Variants in LTBP1 observed in about 807,000 individuals in gnomAD.
LTBP1 encodes latent-transforming growth factor beta-binding protein 1.
Under a neutral mutation model 207.6 loss-of-function variants are expected in LTBP1, and 129 were observed. The observed-to-expected ratio is 0.62, with a 90% CI of 0.54 to 0.72. The LOEUF (loss-of-function observed/expected upper bound fraction) is 0.72, where lower values mean the gene tolerates loss of function less well. Ranked by LOEUF, LTBP1 falls within the 30% of genes least tolerant of loss-of-function variation. The pLI is 0.00. For missense variants in LTBP1, 2,281 were observed against 2,217.2 expected (o/e 1.03, Z -0.58); for synonymous variants, 963 against 833.7 (o/e 1.16, Z -2.67).
intron 4 of LTBP1, among the ~76,000 whole-genome samples, chr2:33,120,958 G>T (rs939894334): frequency 2.0e-5 from 3 of 152,092 alleles, no homozygotes; most frequent in Admixed American, 2.0e-4. Context: ...TTAATATTTA[G>T]CATGGTATGC....
intron 32 of LTBP1, among the ~76,000 whole-genome samples, chr2:33,393,855 A>G (rs894656098): frequency 6.6e-5 from 10 of 152,210 alleles, no homozygotes; most frequent in Admixed American, 1.3e-4. Context: ...TAGATCCTTG[A>G]GGAATCGCCA....
At chr2:33,315,515 T>C (rs1186968360) in intron 24 of LTBP1, among the ~76,000 whole-genome samples, 3 of 152,194 alleles carry the variant, frequency 2.0e-5, no homozygotes, top group Admixed American at 2.0e-4. Flanking sequence ...ACTGAATTAA[T>C]GAGTGGAAAT....
At chr2:33,094,639 T>C (rs1228372450) in intron 3 of LTBP1, among the ~76,000 whole-genome samples, 1 of 152,214 alleles carries the variant, frequency 6.6e-6, no homozygotes, top group Admixed American at 6.5e-5. Context: ...TCATTTACTG[T>C]AATTGGCTTG....
At chr2:33,249,986 C>T (rs538259423) in intron 10 of LTBP1, among the ~76,000 whole-genome samples, 3 of 152,244 alleles carry the variant, frequency 2.0e-5, no homozygotes, top group South Asian at 2.1e-4. Flanking sequence ...AAATAATAAA[C>T]GTAGTACACT....
At chr2:33,227,999 G>A (rs1244290703) in intron 9 of LTBP1, among the ~76,000 whole-genome samples, 1 of 151,750 alleles carries the variant, frequency 6.6e-6, no homozygotes, top group Non-Finnish European at 1.5e-5. Flanking sequence ...TAGAGACGGG[G>A]TTTCACTGTG....
intron 32 of LTBP1, among the ~76,000 whole-genome samples, chr2:33,392,274 T>G (rs772229097): frequency 6.6e-6 from 1 of 152,108 alleles, no homozygotes; most frequent in Non-Finnish European, 1.5e-5. Context: ...AACCTCCACT[T>G]CCTGGGTTCA....
At chr2:33,073,721 G>A (rs1031116287) in intron 3 of LTBP1, among the ~76,000 whole-genome samples, 36 of 152,004 alleles carry the variant, frequency 2.4e-4, no homozygotes, top group African/African-American at 8.2e-4. Flanking sequence ...CCGCCTCCCA[G>A]GTTCAAGCAA....
At chr2:33,203,594 C>T (rs2089561573) in intron 7 of LTBP1, among the ~76,000 whole-genome samples, 1 of 152,148 alleles carries the variant, frequency 6.6e-6, no homozygotes, top group African/African-American at 2.4e-5. Flanking sequence ...GTATGTGTTT[C>T]TTCATTGGTT....
At chr2:33,047,724 C>G (rs2076517098) in intron 3 of LTBP1, among the ~76,000 whole-genome samples, 2 of 152,160 alleles carry the variant, frequency 1.3e-5, no homozygotes, top group East Asian at 1.9e-4. Context: ...GTGTTAAAGT[C>G]TCCCACTATT....
At chr2:33,124,951 GT>G (rs1322393546) in intron 4 of LTBP1, among the ~76,000 whole-genome samples, 1 of 152,164 alleles carries the variant, frequency 6.6e-6, no homozygotes, top group Non-Finnish European at 1.5e-5. Context: ...CTTATTATCA[GT>G]TTCTTTGTCT....
intron 26 of LTBP1, among the ~76,000 whole-genome samples, chr2:33,352,785 G>A (rs930461389): frequency 2.6e-5 from 4 of 152,078 alleles, no homozygotes; most frequent in African/African-American, 4.8e-5. Flanking sequence ...CATTAGCAGG[G>A]CAGCAATACC....
rs780495821 is a variant in LTBP1 at position 33,073,025 on chromosome 2, G to A, written c.864-37557G>A. Among the ~76,000 whole-genome samples the A allele has an allele frequency of 3.9e-5, 6 of 152,284 alleles. No individual in the cohort carries two copies. In the East Asian group the frequency reaches 7.7e-4, roughly 20 times the overall value. On this transcript the variant is annotated intron_variant, in intron 3 of 33. Transcript: ENST00000404816. ...CAGTAGTGTTGCCCTCCACAGAGCC[G>A]GGCAACGTGACCACTGAACATGGTG...
intron 2 of LTBP1, among the ~76,000 whole-genome samples, chr2:32,951,519 A>G (rs1026972533): frequency 3.3e-5 from 5 of 152,172 alleles, no homozygotes; most frequent in Admixed American, 2.6e-4. Context: ...CCTTGTGTCC[A>G]TGGCTGAGTA....
intron 3 of LTBP1, among the ~76,000 whole-genome samples, chr2:33,043,257 G>C (rs1190734585): frequency 6.6e-6 from 1 of 151,918 alleles, no homozygotes; most frequent in East Asian, 1.9e-4. Context: ...TTCAACTCTT[G>C]TATATAACAG....
intron 3 of LTBP1, among the ~76,000 whole-genome samples, chr2:33,046,987 T>A (rs1326242020): frequency 6.6e-6 from 1 of 152,202 alleles, no homozygotes; most frequent in African/African-American, 2.4e-5. Context: ...ATTGTGTCTA[T>A]TTGATTCTTC....
chr2:33,183,082 G>C (rs1277078428), intron 5 of LTBP1, among the ~76,000 whole-genome samples: 1 of 151,664 alleles, frequency 6.6e-6, no homozygotes, highest in African/African-American at 2.4e-5. Flanking sequence ...CTTTTCTTTT[G>C]TGTACTGTCG....
intron 2 of LTBP1, among the ~76,000 whole-genome samples, chr2:33,006,642 C>G (rs1484705545): frequency 7.0e-6 from 1 of 143,274 alleles, no homozygotes; most frequent in Non-Finnish European, 1.6e-5. Flanking sequence ...CTTGATCTCC[C>G]AAAGTGCTGG....
chr2:33,285,510 G>A (rs548620668), intron 19 of LTBP1, among the ~76,000 whole-genome samples: 10 of 145,842 alleles, frequency 6.9e-5, no homozygotes, highest in South Asian at 4.3e-4. Context: ...GTGCAATGGC[G>A]CGATCTCGGC....
intron 7 of LTBP1, among the ~76,000 whole-genome samples, chr2:33,199,995 A>T (rs1298438944): frequency 2.0e-5 from 3 of 152,178 alleles, no homozygotes; most frequent in African/African-American, 7.2e-5. Context: ...CAAATGGAAG[A>T]ACATTCCATG....
Sources: allele counts gnomAD v4.1 joint callset (sites outside exome capture counted in the v4.1 genomes callset), GRCh38; gene constraint gnomAD v4.1.1; transcripts MANE v1.5; gene names NCBI Gene and HGNC (gene_info 2026-07-23, HGNC 2026-07-21).